BABAM2: variants seen among roughly 807,000 people sequenced by gnomAD.
The protein encoded by BABAM2 is BRISC and BRCA1 A complex member 2, also known as BRISC and BRCA1-A complex member 2.
Under a neutral mutation model 54.7 loss-of-function variants are expected in BABAM2, and 31 were observed. The ratio of observed to expected loss-of-function variants is 0.57; its 90% confidence interval spans 0.43 to 0.77. The LOEUF (loss-of-function observed/expected upper bound fraction) is 0.77, where lower values mean the gene tolerates loss of function less well. BABAM2 is among the 30% of genes least tolerant of loss of function. BABAM2 has a pLI of 0.00. For synonymous variants in BABAM2, 167 were observed against 162.9 expected, an observed-to-expected ratio of 1.03 and a Z score of -0.19; for missense variants, 364 against 455.8, an observed-to-expected ratio of 0.80 and a Z score of 1.83.
intron 3 of BABAM2, among the ~76,000 whole-genome samples, chr2:27,980,702 A>G (rs1671939362): frequency 6.7e-6 from 1 of 148,902 alleles, no homozygotes; most frequent in East Asian, 2.0e-4. Context: ...TAATGTAGTA[A>G]ACTTCCTCCC....
chr2:28,282,630 A>G (rs779838933), intron 10 of BABAM2, among the ~76,000 whole-genome samples: 1 of 152,188 alleles, frequency 6.6e-6, no homozygotes, highest in Non-Finnish European at 1.5e-5. Context: ...GCGAGGGGGA[A>G]TCATATGGCA....
chr2:27,942,970 G>A (rs1669038613), intron 3 of BABAM2, among the ~76,000 whole-genome samples: 1 of 151,724 alleles, frequency 6.6e-6, no homozygotes, highest in Non-Finnish European at 1.5e-5. Flanking sequence ...TTTTTTTGTA[G>A]AGACGGGGTT....
chr2:28,286,190 G>A (rs557298762), intron 10 of BABAM2, among the ~76,000 whole-genome samples: 3 of 151,978 alleles, frequency 2.0e-5, no homozygotes, highest in South Asian at 4.2e-4. Context: ...TCCTGACCTC[G>A]TGATCCACCC....
intron 4 of BABAM2, among the ~76,000 whole-genome samples, chr2:28,018,865 G>T (rs997995851): frequency 3.3e-5 from 5 of 152,080 alleles, no homozygotes; most frequent in African/African-American, 1.2e-4. Flanking sequence ...TAAGTTCTGG[G>T]ATACATGTGC....
intron 8 of BABAM2, among the ~76,000 whole-genome samples, chr2:28,237,626 A>G (rs1200920233): frequency 6.6e-6 from 1 of 152,190 alleles, no homozygotes; most frequent in Admixed American, 6.5e-5. Context: ...CTTAAACTTT[A>G]AAACTTTGGA....
chr2:27,983,894 G>A (rs1426210800), intron 3 of BABAM2, among the ~76,000 whole-genome samples: 2 of 73,828 alleles, frequency 2.7e-5, no homozygotes, highest in South Asian at 4.8e-4. Context: ...TATGTCATCT[G>A]TAGATAGAGA....
At position 27,975,703 on chromosome 2, in the gene BABAM2, G is replaced by A. The variant is rs765684989; in HGVS notation, c.206-12290G>A. Among the ~76,000 whole-genome samples, 108 of 151,418 alleles carry A rather than the reference G, an allele frequency of 7.1e-4. 2 individuals are homozygous for A. The Middle Eastern group carries it at 9.5e-3, about 13-fold the overall frequency. On this transcript the variant is annotated intron_variant, in intron 3 of 11. Transcript: ENST00000379624. ...CATAAAAGAAAAAAGTTGATAAATTGGATTTCACTGAAGCTTAAAACTTTT... is the reference window on the plus strand; with the variant it reads ...CATAAAAGAAAAAAGTTGATAAATTAGATTTCACTGAAGCTTAAAACTTTT...
chr2:27,920,368 G>GTTAAA (rs1667262078), intron 2 of BABAM2, among the ~76,000 whole-genome samples: 1 of 152,160 alleles, frequency 6.6e-6, no homozygotes, highest in Non-Finnish European at 1.5e-5. Flanking sequence ...TTAGATAGAT[G>GTTAAA]TTAAGATACC....
intron 5 of BABAM2, among the ~76,000 whole-genome samples, chr2:28,038,042 C>T (rs991471157): frequency 3.3e-5 from 5 of 152,154 alleles, no homozygotes; most frequent in African/African-American, 4.8e-5. Context: ...CAGAAATTTA[C>T]AGATTCAAGA....
intron 6 of BABAM2, among the ~76,000 whole-genome samples, chr2:28,115,519 G>A (rs1394073227): frequency 6.6e-6 from 1 of 152,054 alleles, no homozygotes; most frequent in South Asian, 2.1e-4. Context: ...CCAGCTACTC[G>A]GGAGGCGGAG....
At chr2:27,936,868 C>T (rs182353830) in intron 3 of BABAM2, among the ~76,000 whole-genome samples, 45 of 152,058 alleles carry the variant, frequency 3.0e-4, no homozygotes, top group Non-Finnish European at 5.3e-4. Flanking sequence ...TTAATGGGTG[C>T]AGCACACCAG....
At chr2:28,332,674 C>G (rs971027469) in intron 11 of BABAM2, among the ~76,000 whole-genome samples, 15 of 152,188 alleles carry the variant, frequency 9.9e-5, no homozygotes, top group Admixed American at 6.5e-5. Flanking sequence ...CCTAAATACC[C>G]TTCTAGGAAG....
chr2:28,275,218 C>A (rs945119299), intron 10 of BABAM2, among the ~76,000 whole-genome samples: 5 of 152,210 alleles, frequency 3.3e-5, no homozygotes, highest in African/African-American at 1.2e-4. Flanking sequence ...GCCAACGGAT[C>A]TGATGTCTTA....
intron 7 of BABAM2, among the ~76,000 whole-genome samples, chr2:28,203,546 T>C (rs1199198283): frequency 3.3e-5 from 5 of 152,184 alleles, no homozygotes; most frequent in African/African-American, 4.8e-5. Flanking sequence ...TCTTTTTACT[T>C]TTTCATCTTC....
intron 5 of BABAM2, 41 bp from the exon 6 acceptor site, chr2:28,045,684 T>G: frequency 6.5e-7 from 1 of 1,530,050 alleles, no homozygotes; most frequent in Non-Finnish European, 8.9e-7. Context: ...TCATAATCTA[T>G]TTTTGATTTT....
intron 7 of BABAM2, among the ~76,000 whole-genome samples, chr2:28,172,146 TAATAG>T (rs1674395629): frequency 6.6e-6 from 1 of 151,896 alleles, no homozygotes; most frequent in Non-Finnish European, 1.5e-5. Flanking sequence ...ATACTATCCT[TAATAG>T]AATTGATCAT....
chr2:28,144,311 A>G (rs989744163), intron 7 of BABAM2, among the ~76,000 whole-genome samples: 4 of 152,118 alleles, frequency 2.6e-5, no homozygotes, highest in African/African-American at 9.7e-5. Flanking sequence ...CCCTCTAGAT[A>G]CTGTGCACAG....
intron 7 of BABAM2, among the ~76,000 whole-genome samples, chr2:28,201,711 G>A (rs1044645497): frequency 6.6e-6 from 1 of 152,148 alleles, no homozygotes; most frequent in Non-Finnish European, 1.5e-5. Flanking sequence ...TCTCATCTCC[G>A]CTTCGTAGCC....
Position 28,273,872 on chromosome 2 carries a change from G to A in BABAM2, c.935-24466G>A, listed in dbSNP as rs74776471. Among the ~76,000 whole-genome samples, 1,267 of 152,268 alleles carry A rather than the reference G, an allele frequency of 8.3e-3. 13 individuals are homozygous for A. The highest frequency in any genetic ancestry group is 0.029 in the African/African-American group (1,203 of 41,550). On this transcript the variant is annotated intron_variant, in intron 10 of 11. Transcript: ENST00000379624. ...AGTGGCTCCGAGATTCAGCTTCCTC[G>A]TCTGTGAAATGAGATTGACACTTAC...
Sources: allele counts gnomAD v4.1 joint callset (sites outside exome capture counted in the v4.1 genomes callset), GRCh38; gene constraint gnomAD v4.1.1; transcripts MANE v1.5; gene names NCBI Gene and HGNC (gene_info 2026-07-23, HGNC 2026-07-21).